Variants in TASP1 observed in about 807,000 individuals in gnomAD.
The protein encoded by TASP1 is threonine aspartase 1.
TASP1 carries 16 observed loss-of-function variants against 56.6 expected under a neutral mutation model. The ratio of observed to expected loss-of-function variants is 0.28; its 90% CI spans 0.19 to 0.43. TASP1 has a LOEUF of 0.43. TASP1 is among the 20% of genes least tolerant of loss of function. The probability of loss-of-function intolerance (pLI) is 1.00; values close to 1 mark genes in which losing one functional copy is unlikely to be tolerated. For synonymous variants in TASP1, 179 were observed against 184.2 expected (o/e 0.97, Z 0.23); for missense variants, 393 against 511.6 (o/e 0.77, Z 2.24).
intron 8 of TASP1, among the ~76,000 whole-genome samples, chr20:13,556,366 C>T (rs2046156362): frequency 6.6e-6 from 1 of 152,096 alleles, no homozygotes; most frequent in South Asian, 2.1e-4. Context: ...AACTAGTCTC[C>T]CAACTTCTAC....
At chr20:13,265,045 G>A in the TASP1 span, among the ~76,000 whole-genome samples, 1 of 152,246 alleles carries the variant, frequency 6.6e-6, no homozygotes, top group East Asian at 1.9e-4. Context: ...ACTGTGCGTT[G>A]GGCCCGATGT....
the TASP1 span, chr20:13,164,910 A>G: frequency 2.0e-6 from 3 of 1,501,458 alleles, no homozygotes; most frequent in Non-Finnish European, 2.7e-6. Flanking sequence ...TGCGAGAAAG[A>G]CCTCCCTCCT....
At chr20:13,593,675 G>A (rs1321190212) in intron 4 of TASP1, among the ~76,000 whole-genome samples, 1 of 152,124 alleles carries the variant, frequency 6.6e-6, no homozygotes, top group Non-Finnish European at 1.5e-5. Flanking sequence ...GCTGAGGCTT[G>A]AATAGGTAAA....
At chr20:13,615,976 T>A (rs544365649) in intron 4 of TASP1, among the ~76,000 whole-genome samples, 77 of 152,232 alleles carry the variant, frequency 5.1e-4, no homozygotes, top group African/African-American at 1.7e-3. Context: ...CTTATTAGCC[T>A]ACATCCTTCA....
chr20:13,218,127 T>C, the TASP1 span, among the ~76,000 whole-genome samples: 1 of 151,984 alleles, frequency 6.6e-6, no homozygotes, highest in African/African-American at 2.4e-5. Context: ...GGCAGGATTC[T>C]GTAATCCCAG....
At chr20:13,136,654 A>G in the TASP1 span, among the ~76,000 whole-genome samples, 14 of 147,646 alleles carry the variant, frequency 9.5e-5, no homozygotes, top group Non-Finnish European at 1.6e-4. Flanking sequence ...TGTATATATA[A>G]ATAAAAGTTA....
At chr20:13,480,440 G>A (rs531182315) in intron 11 of TASP1, among the ~76,000 whole-genome samples, 1 of 152,252 alleles carries the variant, frequency 6.6e-6, no homozygotes, top group African/African-American at 2.4e-5. Flanking sequence ...CTGAACTCTT[G>A]CAAACTAAGT....
chr20:13,500,834 A>G (rs996131075), intron 10 of TASP1, among the ~76,000 whole-genome samples: 7 of 152,060 alleles, frequency 4.6e-5, no homozygotes, highest in African/African-American at 1.7e-4. Context: ...ACGCCAGAAT[A>G]AATAACTGAA....
the TASP1 span, among the ~76,000 whole-genome samples, chr20:13,383,957 G>A: frequency 0.018 from 2,704 of 152,284 alleles, 73 homozygotes; most frequent in African/African-American, 0.059. Context: ...CCATTTACCA[G>A]GTGGGAAAGA....
chr20:13,479,226 C>T (rs2043047515), intron 11 of TASP1, among the ~76,000 whole-genome samples: 1 of 151,988 alleles, frequency 6.6e-6, no homozygotes. Context: ...TTTTTCTACA[C>T]ATGCATTGTA....
chr20:13,573,638 A>C (rs1437860026), intron 6 of TASP1, among the ~76,000 whole-genome samples: 1 of 152,190 alleles, frequency 6.6e-6, no homozygotes, highest in African/African-American at 2.4e-5. Flanking sequence ...TTCTATTATA[A>C]TCTAGAAAGT....
chr20:13,142,005 C>T, the TASP1 span, among the ~76,000 whole-genome samples: 1 of 152,216 alleles, frequency 6.6e-6, no homozygotes, highest in African/African-American at 2.4e-5. Flanking sequence ...AATTAGCCAA[C>T]AAACTGAACT....
chr20:13,436,049 G>A (rs1197331740), intron 11 of TASP1, among the ~76,000 whole-genome samples: 1 of 152,084 alleles, frequency 6.6e-6, no homozygotes, highest in East Asian at 1.9e-4. Flanking sequence ...TTTGGAAAAC[G>A]GTAAGAAGAC....
Position 13,437,353 on chromosome 20 carries a change from G to A in TASP1, c.986-2199C>T, listed in dbSNP as rs373496097. On this transcript the variant is annotated intron_variant, in intron 11 of 13. Coordinates refer to ENST00000337743, the MANE Select transcript of TASP1 (RefSeq NM_017714.3). ...TCAATAAATTAGGTATTGATGGGAC[G>A]TATCTCAAAATAATAAGAGCTATCT... 4.6e-3 allele frequency among the ~76,000 whole-genome samples: 695 copies of A among 152,206 alleles called. 3 individuals are homozygous for A. Among genetic ancestry groups the A allele is most frequent in the East Asian group, 0.012 (61 of 5,174 alleles).
intron 12 of TASP1, among the ~76,000 whole-genome samples, chr20:13,423,031 A>C (rs2042499038): frequency 6.6e-6 from 1 of 152,264 alleles, no homozygotes; most frequent in Non-Finnish European, 1.5e-5. Flanking sequence ...TTTATTCCAC[A>C]GATATGCCTT....
At chr20:13,336,443 G>C in the TASP1 span, among the ~76,000 whole-genome samples, 1 of 152,116 alleles carries the variant, frequency 6.6e-6, no homozygotes, top group Non-Finnish European at 1.5e-5. Flanking sequence ...AGAGATCACT[G>C]CTGCCCTGTG....
the TASP1 span, among the ~76,000 whole-genome samples, chr20:13,323,368 G>A: frequency 1.3e-5 from 2 of 152,174 alleles, no homozygotes; most frequent in Non-Finnish European, 2.9e-5. Context: ...GAATCACACT[G>A]CAAAGGTAGA....
chr20:13,443,667 G>T (rs2043300396), intron 11 of TASP1, among the ~76,000 whole-genome samples: 1 of 152,190 alleles, frequency 6.6e-6, no homozygotes, highest in Non-Finnish European at 1.5e-5. Flanking sequence ...CCCACTTATT[G>T]TATTTGTGCT....
intron 10 of TASP1, among the ~76,000 whole-genome samples, chr20:13,507,038 A>G (rs1388170650): frequency 6.6e-6 from 1 of 152,192 alleles, no homozygotes; most frequent in Non-Finnish European, 1.5e-5. Context: ...TACTTCATCA[A>G]AAAACTATTA....
Sources: gnomAD v4.1 joint callset for allele counts (sites outside exome capture counted in the v4.1 genomes callset) on GRCh38, gnomAD v4.1.1 for gene constraint, MANE v1.5 for transcripts, NCBI Gene and HGNC (gene_info 2026-07-23, HGNC 2026-07-21) for gene names.